The following BABAM2 variants were observed in gnomAD, a reference collection of about 807,000 sequenced individuals.
BABAM2 encodes the protein BRISC and BRCA1-A complex member 2.
BABAM2 carries 31 observed loss-of-function variants against 54.7 expected under a neutral mutation model. That is an observed-to-expected ratio of 0.57 (90% CI 0.43 to 0.77). BABAM2 has a LOEUF of 0.77. Ranked by LOEUF, BABAM2 falls within the 30% of genes least tolerant of loss-of-function variation. The pLI is 0.00. For missense variants in BABAM2, 364 were observed against 455.8 expected (o/e 0.80, Z 1.83); for synonymous variants, 167 against 162.9 (o/e 1.03, Z -0.19).
intron 7 of BABAM2, among the ~76,000 whole-genome samples, chr2:28,130,791 G>A (rs1360262285): frequency 6.6e-6 from 1 of 152,002 alleles, no homozygotes; most frequent in Admixed American, 6.6e-5. Context: ...CCAGGCTGGA[G>A]TGCAGTGGTG....
chr2:28,163,542 T>C (rs751056179), intron 7 of BABAM2, among the ~76,000 whole-genome samples: 1 of 152,152 alleles, frequency 6.6e-6, no homozygotes, highest in Non-Finnish European at 1.5e-5. Context: ...GCCAGATATC[T>C]AATAGAATGC....
intron 3 of BABAM2, among the ~76,000 whole-genome samples, chr2:27,968,614 C>T (rs1670990175): frequency 6.6e-6 from 1 of 152,216 alleles, no homozygotes; most frequent in Non-Finnish European, 1.5e-5. Context: ...TGACAGCTTG[C>T]ACCATGTGCC....
chr2:28,162,472 A>G (rs1225007920), intron 7 of BABAM2, among the ~76,000 whole-genome samples: 1 of 152,134 alleles, frequency 6.6e-6, no homozygotes, highest in Non-Finnish European at 1.5e-5. Context: ...TTTGAGGATT[A>G]ATTGAATTAA....
At chr2:27,921,515 A>C (rs1198174098) in intron 2 of BABAM2, among the ~76,000 whole-genome samples, 2 of 152,158 alleles carry the variant, frequency 1.3e-5, no homozygotes, top group Non-Finnish European at 2.9e-5. Context: ...TTAATGTAGT[A>C]ATTAAGAAAG....
At chr2:28,245,612 A>T (rs1456916866) in intron 10 of BABAM2, among the ~76,000 whole-genome samples, 1 of 152,206 alleles carries the variant, frequency 6.6e-6, no homozygotes, top group Non-Finnish European at 1.5e-5. Context: ...GTTGCAAGTC[A>T]ACTGAGACCT....
chr2:27,944,639 G>A (rs542791067), intron 3 of BABAM2, among the ~76,000 whole-genome samples: 2 of 151,878 alleles, frequency 1.3e-5, no homozygotes, highest in South Asian at 4.2e-4. Context: ...AAGGACATTC[G>A]GATTTTTTTT....
intron 10 of BABAM2, among the ~76,000 whole-genome samples, chr2:28,277,659 G>A (rs921500062): frequency 3.3e-5 from 5 of 152,142 alleles, no homozygotes; most frequent in African/African-American, 1.2e-4. Flanking sequence ...TGACTGTTTT[G>A]TTCCTCACCT....
intron 4 of BABAM2, among the ~76,000 whole-genome samples, chr2:27,993,189 G>A (rs534826903): frequency 1.9e-4 from 29 of 152,274 alleles, no homozygotes; most frequent in African/African-American, 6.3e-4. Flanking sequence ...GGGATAATGA[G>A]TCATCCTTGT....
intron 6 of BABAM2, among the ~76,000 whole-genome samples, chr2:28,059,553 A>G: frequency 6.6e-6 from 1 of 152,210 alleles, no homozygotes; most frequent in East Asian, 1.9e-4. Flanking sequence ...ATCCTGGAAT[A>G]CTGATAGTGT....
intron 4 of BABAM2, among the ~76,000 whole-genome samples, chr2:28,010,524 T>C (rs1674310339): frequency 6.6e-6 from 1 of 152,202 alleles, no homozygotes; most frequent in African/African-American, 2.4e-5. Context: ...TAAGAGCTTA[T>C]GTGCCTCTTC....
chr2:28,063,619 A>C (rs112674158), intron 6 of BABAM2, among the ~76,000 whole-genome samples: 27 of 152,346 alleles, frequency 1.8e-4, no homozygotes, highest in African/African-American at 4.3e-4. Context: ...GCCAACATGG[A>C]AAATGATGAG....
intron 2 of BABAM2, among the ~76,000 whole-genome samples, chr2:27,907,397 T>A (rs1666259739): frequency 6.6e-6 from 1 of 152,132 alleles, no homozygotes; most frequent in Non-Finnish European, 1.5e-5. Flanking sequence ...GCCCTCAGAA[T>A]GATTTTTTTT....
chr2:27,989,745 T>C (rs1672650802), intron 4 of BABAM2, among the ~76,000 whole-genome samples: 2 of 152,094 alleles, frequency 1.3e-5, no homozygotes, highest in South Asian at 4.1e-4. Flanking sequence ...GCTAGGGTGA[T>C]GCAAGAAGAA....
At chr2:27,993,468 T>C (rs575938357) in intron 4 of BABAM2, among the ~76,000 whole-genome samples, 2 of 152,298 alleles carry the variant, frequency 1.3e-5, no homozygotes, top group South Asian at 4.1e-4. Flanking sequence ...TCTGAAACTA[T>C]GATTTTCAGC....
chr2:28,000,233 T>C (rs1300921206), intron 4 of BABAM2, among the ~76,000 whole-genome samples: 1 of 152,210 alleles, frequency 6.6e-6, no homozygotes, highest in Admixed American at 6.5e-5. Context: ...GGATTCCACA[T>C]TGCATTTAGT....
chr2:28,017,537 T>C (rs1674924691), intron 4 of BABAM2, among the ~76,000 whole-genome samples: 1 of 152,264 alleles, frequency 6.6e-6, no homozygotes, highest in Non-Finnish European at 1.5e-5. Flanking sequence ...CTAATTGATA[T>C]GTAACTCATC....
intron 10 of BABAM2, among the ~76,000 whole-genome samples, chr2:28,279,786 C>T (rs1686200354): frequency 6.6e-6 from 1 of 151,842 alleles, no homozygotes; most frequent in African/African-American, 2.4e-5. Context: ...CTGCCTCAGC[C>T]TCCCGAGTAG....
At chr2:27,899,206 A>G (rs367829826) in intron 2 of BABAM2, among the ~76,000 whole-genome samples, 1 of 152,214 alleles carries the variant, frequency 6.6e-6, no homozygotes. Flanking sequence ...CATGTCACAG[A>G]CATTCTTTTC....
intron 3 of BABAM2, among the ~76,000 whole-genome samples, chr2:27,943,550 G>A (rs940569745): frequency 6.6e-6 from 1 of 152,136 alleles, no homozygotes; most frequent in African/African-American, 2.4e-5. Flanking sequence ...CACTCTAATG[G>A]AAGTGCTCTC....
Sources: allele counts gnomAD v4.1 joint callset (sites outside exome capture counted in the v4.1 genomes callset), GRCh38; gene constraint gnomAD v4.1.1; transcripts MANE v1.5; gene names NCBI Gene and HGNC (gene_info 2026-07-23, HGNC 2026-07-21).